Variants in PIGU observed in about 807,000 individuals in gnomAD.
PIGU encodes GPI-anchor transamidase component PIGU.
In PIGU, 24 loss-of-function variants were observed where a neutral mutation model predicts 49.9. The observed-to-expected ratio is 0.48, with a 90% CI of 0.35 to 0.68. The LOEUF (loss-of-function observed/expected upper bound fraction) is 0.68. PIGU is among the 30% of genes least tolerant of loss of function. The pLI is 0.01. For missense variants in PIGU, 490 were observed against 532.6 expected (o/e 0.92, Z 0.79); for synonymous variants, 220 against 205.7 (o/e 1.07, Z -0.59).
At chr20:34,571,004 G>A (rs1158776493) in intron 11 of PIGU, among the ~76,000 whole-genome samples, 1 of 152,130 alleles carries the variant, frequency 6.6e-6, no homozygotes, top group Non-Finnish European at 1.5e-5. Context: ...CATGAGTAAT[G>A]GCAACAGGAC....
At chr20:34,583,575 T>C (rs952498270) in intron 9 of PIGU, among the ~76,000 whole-genome samples, 1 of 152,192 alleles carries the variant, frequency 6.6e-6, no homozygotes, top group East Asian at 1.9e-4. Context: ...CCAGGAGCAA[T>C]GTGTGGCTTT....
chr20:34,598,737 C>T (rs573681354), intron 7 of PIGU, among the ~76,000 whole-genome samples: 58 of 152,300 alleles, frequency 3.8e-4, no homozygotes, highest in African/African-American at 1.3e-3. Context: ...CATCAGGCAA[C>T]CAGAAATCCT....
intron 10 of PIGU, 34 bp from the exon 11 acceptor site, chr20:34,575,280 C>T (rs368002988): frequency 7.0e-5 from 112 of 1,604,712 alleles, no homozygotes; most frequent in Non-Finnish European, 8.8e-5. Context: ...TAGCCTGACA[C>T]GCTCTCTCTG....
At chr20:34,611,546 T>C (rs1292442852) in intron 7 of PIGU, among the ~76,000 whole-genome samples, 1 of 149,460 alleles carries the variant, frequency 6.7e-6, no homozygotes, top group Non-Finnish European at 1.5e-5. Flanking sequence ...CTTGGGAGGC[T>C]GAGGCAGGAG....
intron 2 of PIGU, among the ~76,000 whole-genome samples, chr20:34,650,700 C>CTCTTTT (rs1986509194): frequency 2.6e-4 from 10 of 38,796 alleles, no homozygotes; most frequent in African/African-American, 1.2e-3. Flanking sequence ...CTTTTTTTCT[C>CTCTTTT]TTTTTTTTTT....
intron 2 of PIGU, among the ~76,000 whole-genome samples, chr20:34,653,833 T>C (rs914293182): frequency 6.6e-6 from 1 of 151,996 alleles, no homozygotes; most frequent in African/African-American, 2.4e-5. Context: ...TAAGATTCTT[T>C]GGAAGACTAA....
intron 2 of PIGU, among the ~76,000 whole-genome samples, chr20:34,645,993 T>A (rs146154993): frequency 6.6e-6 from 1 of 152,118 alleles, no homozygotes; most frequent in Non-Finnish European, 1.5e-5. Flanking sequence ...CCGAGGGGAA[T>A]TCCACAACAG....
chr20:34,632,268 C>T (rs1038110448), intron 6 of PIGU, among the ~76,000 whole-genome samples: 5 of 152,054 alleles, frequency 3.3e-5, no homozygotes, highest in Admixed American at 2.0e-4. Flanking sequence ...AAAAGTTATT[C>T]GAGTCTAAAA....
In PIGU at chr20:34,676,975, T is replaced by G. The variant is rs765501431; in HGVS notation, c.111A>C (p.Pro37=). 4.4e-6 allele frequency: 7 copies of G among 1,578,420 alleles called. No individual in the cohort carries two copies. Among genetic ancestry groups the G allele is most frequent in the Non-Finnish European group, 5.2e-6 (6 of 1,163,190 alleles). The change falls in exon 1 of 12, where the codon CCA becomes CCC. Residue 37 remains proline (P), a synonymous_variant. Coordinates refer to ENST00000217446, the MANE Select transcript of PIGU (RefSeq NM_080476.5). ...FISERVEVVS[P]LSSWKRVVEG... is the part of the protein sequence containing the mutation. Reference sequence around the variant, plus strand: ...CCTCACCTCTCTTCCAAGAGCTCAGTGGGGACACCACCTCCACCCGCTCGG... The same window carrying G: ...CCTCACCTCTCTTCCAAGAGCTCAGGGGGGACACCACCTCCACCCGCTCGG...
chr20:34,602,413 A>G (rs563675254), intron 7 of PIGU, among the ~76,000 whole-genome samples: 33 of 151,798 alleles, frequency 2.2e-4, no homozygotes, highest in African/African-American at 8.0e-4. Flanking sequence ...CCTGGCCAAC[A>G]TAGTGAATCC....
intron 11 of PIGU, among the ~76,000 whole-genome samples, chr20:34,567,204 G>A (rs1982809706): frequency 6.6e-6 from 1 of 152,270 alleles, no homozygotes; most frequent in Non-Finnish European, 1.5e-5. Context: ...GGGAGGCAGA[G>A]GAGGCTGGCG....
intron 7 of PIGU, among the ~76,000 whole-genome samples, chr20:34,593,503 C>T (rs555775878): frequency 2.0e-5 from 3 of 152,086 alleles, no homozygotes; most frequent in Non-Finnish European, 4.4e-5. Flanking sequence ...TAAAGCAGCG[C>T]AATATTGGCT....
At chr20:34,584,002 C>G (rs571776754) in intron 9 of PIGU, among the ~76,000 whole-genome samples, 1 of 152,318 alleles carries the variant, frequency 6.6e-6, no homozygotes, top group South Asian at 2.1e-4. Context: ...TTTCCCTTAT[C>G]TGAAGCTAGG....
At chr20:34,607,760 T>C (rs917463881) in intron 7 of PIGU, among the ~76,000 whole-genome samples, 5 of 152,110 alleles carry the variant, frequency 3.3e-5, no homozygotes, top group Non-Finnish European at 1.5e-5. Context: ...CCACTAGACA[T>C]TGCTGTGGGA....
intron 1 of PIGU, among the ~76,000 whole-genome samples, chr20:34,674,865 T>C (rs1165273219): frequency 6.7e-6 from 1 of 150,370 alleles, no homozygotes; most frequent in Non-Finnish European, 1.5e-5. Context: ...GAGGATGTCC[T>C]GAGCCCGAGA....
intron 4 of PIGU, among the ~76,000 whole-genome samples, chr20:34,638,758 G>A (rs911060794): frequency 2.0e-5 from 3 of 152,176 alleles, no homozygotes; most frequent in African/African-American, 7.2e-5. Context: ...TAGGGAGTGG[G>A]ATGGGGGTGG....
chr20:34,599,339 G>GC (rs1984323177), intron 7 of PIGU, among the ~76,000 whole-genome samples: 3 of 152,078 alleles, frequency 2.0e-5, no homozygotes, highest in Admixed American at 6.5e-5. Flanking sequence ...TGTAGTCCCA[G>GC]CTACTCGGGA....
At chr20:34,641,648 C>T (rs1190239357) in intron 4 of PIGU, among the ~76,000 whole-genome samples, 9 of 152,126 alleles carry the variant, frequency 5.9e-5, no homozygotes, top group Non-Finnish European at 1.3e-4. Context: ...CCAGATGCAT[C>T]TGTGTGTAGA....
chr20:34,612,286 T>G (rs1984845150), intron 7 of PIGU, among the ~76,000 whole-genome samples: 2 of 152,092 alleles, frequency 1.3e-5, no homozygotes, highest in South Asian at 4.1e-4. Context: ...TTCTTACTCA[T>G]AAGTGGGAGT....
Sources: allele counts gnomAD v4.1 joint callset (sites outside exome capture counted in the v4.1 genomes callset), GRCh38; gene constraint gnomAD v4.1.1; transcripts MANE v1.5; gene names NCBI Gene and HGNC (gene_info 2026-07-23, HGNC 2026-07-21).